PCDHA13: variants seen among roughly 807,000 people sequenced by gnomAD.
PCDHA13 encodes the protein protocadherin alpha 13.
A neutral mutation model predicts 64.8 loss-of-function variants in PCDHA13; 54 were observed. The observed-to-expected ratio is 0.83, with a 90% CI of 0.67 to 1.04. The LOEUF (loss-of-function observed/expected upper bound fraction) is 1.04. Ranked by LOEUF, PCDHA13 falls within the 50% of genes least tolerant of loss-of-function variation. The probability of loss-of-function intolerance (pLI) is 0.00; values close to 1 mark genes in which losing one functional copy is unlikely to be tolerated. For synonymous variants in PCDHA13, 587 were observed against 564.4 expected, an observed-to-expected ratio of 1.04 and a Z score of -0.57; for missense variants, 1,248 against 1,254.3, an observed-to-expected ratio of 0.99 and a Z score of 0.08.
chr5:140,982,596 G>A, intron 3 of PCDHA13, 33 bp downstream of exon 3: 2 of 1,609,850 alleles, frequency 1.2e-6, no homozygotes, highest in South Asian at 2.2e-5. Flanking sequence ...TTCTTTCTTG[G>A]TTTCTGGAAA....
intron 1 of PCDHA13, among the ~76,000 whole-genome samples, chr5:140,965,879 G>A (rs920261632): frequency 6.6e-6 from 1 of 152,216 alleles, no homozygotes; most frequent in Non-Finnish European, 1.5e-5. Flanking sequence ...ACTTGGCCGA[G>A]AGCAGAATTG....
rs1554181817 is a variant in PCDHA13, at chr5:140,884,665, A to G, written c.2394+3A>G. The G allele has an allele frequency of 5.7e-6, 9 of 1,578,032 alleles. No homozygotes were observed. The highest frequency in any genetic ancestry group is 7.7e-6 in the Non-Finnish European group (9 of 1,163,626). ...AGGACTCAGAATGCTTGAAAGAGGT[A>G]AGCTTATATTTTAAAAAATTGTCTT... On this transcript the variant is annotated splice_donor_region_variant and intron_variant, in intron 1 of 3. Transcript: ENST00000289272.
At chr5:140,887,357 A>G (rs112910602) in intron 1 of PCDHA13, among the ~76,000 whole-genome samples, 1 of 152,032 alleles carries the variant, frequency 6.6e-6, no homozygotes, top group Non-Finnish European at 1.5e-5. Flanking sequence ...CGGCCTCCCA[A>G]AGTGCTGGGA....
intron 1 of PCDHA13, chr5:140,927,831 G>T: frequency 6.2e-7 from 1 of 1,614,186 alleles, no homozygotes; most frequent in Non-Finnish European, 8.5e-7. Flanking sequence ...TTGAGGCGAG[G>T]GACGAAGGTG....
At chr5:140,993,470 A>T (rs1348899420) in intron 3 of PCDHA13, among the ~76,000 whole-genome samples, 10 of 115,268 alleles carry the variant, frequency 8.7e-5, no homozygotes, top group East Asian at 7.9e-4. Flanking sequence ...TCTCACACAC[A>T]CACACACACA....
At chr5:140,986,135 A>G (rs2097188048) in intron 3 of PCDHA13, among the ~76,000 whole-genome samples, 1 of 152,256 alleles carries the variant, frequency 6.6e-6, no homozygotes, top group Non-Finnish European at 1.5e-5. Flanking sequence ...GAAAGGATCA[A>G]CAAGGGCATC....
At chr5:140,897,841 C>G (rs1272606504) in intron 1 of PCDHA13, among the ~76,000 whole-genome samples, 2 of 152,282 alleles carry the variant, frequency 1.3e-5, no homozygotes, top group South Asian at 2.1e-4. Flanking sequence ...CACATCCTCT[C>G]CAGCACCTGT....
At chr5:140,996,791 A>G (rs2153942087) in intron 3 of PCDHA13, among the ~76,000 whole-genome samples, 1 of 152,316 alleles carries the variant, frequency 6.6e-6, no homozygotes, top group Non-Finnish European at 1.5e-5. Context: ...CTCACTCCCT[A>G]CATCCAATCA....
intron 1 of PCDHA13, among the ~76,000 whole-genome samples, chr5:140,899,376 A>G (rs2153463773): frequency 6.6e-6 from 1 of 152,262 alleles, no homozygotes; most frequent in South Asian, 2.1e-4. Flanking sequence ...TCAATACCTA[A>G]TTTATTGAGA....
chr5:140,925,641 T>TATAATAATA (rs10569930), intron 1 of PCDHA13, among the ~76,000 whole-genome samples: 4,530 of 143,294 alleles, frequency 0.032, 85 homozygotes, highest in Middle Eastern at 0.043. Flanking sequence ...GAACTTAAAG[T>TATAATAATA]ATAATAATAA....
chr5:140,976,303 C>A (rs1458121600), intron 1 of PCDHA13, among the ~76,000 whole-genome samples: 10 of 152,090 alleles, frequency 6.6e-5, no homozygotes, highest in Non-Finnish European at 1.3e-4. Flanking sequence ...GTAATCCCAG[C>A]ACTTTGGGAG....
At chr5:140,987,990 C>T (rs57614084) in intron 3 of PCDHA13, among the ~76,000 whole-genome samples, 1 of 152,190 alleles carries the variant, frequency 6.6e-6, no homozygotes, top group African/African-American at 2.4e-5. Context: ...GACTCCATCT[C>T]TGATCCTTCC....
At chr5:141,009,019 C>A (rs1160022658) in intron 3 of PCDHA13, among the ~76,000 whole-genome samples, 1 of 152,232 alleles carries the variant, frequency 6.6e-6, no homozygotes, top group Non-Finnish European at 1.5e-5. Context: ...CCTTTAGGCT[C>A]TGTATTTCCC....
rs782798960 is a variant in PCDHA13 at position 140,883,626 on chromosome 5, C to T, written c.1358C>T (p.Pro453Leu). ...VGVADVNDNAPAFAQPEYTVF... is the reference protein window; with the variant it reads ...VGVADVNDNALAFAQPEYTVF... ...GTGGCCGACGTGAACGACAACGCGC[C>T]GGCGTTCGCGCAGCCCGAGTACACG... The change falls in exon 1 of 4, where the codon CCG becomes CTG. Residue 453 changes from proline (P) to leucine (L), a missense_variant. Coordinates refer to ENST00000289272, the MANE Select transcript of PCDHA13 (RefSeq NM_018904.3). The T allele has an allele frequency of 1.9e-6, 3 of 1,613,850 alleles. No individual in the cohort carries two copies. Among genetic ancestry groups the T allele is most frequent in the Non-Finnish European group, 2.5e-6 (3 of 1,179,902 alleles).
At chr5:140,893,570 G>A (rs1583135271) in intron 1 of PCDHA13, among the ~76,000 whole-genome samples, 1 of 152,154 alleles carries the variant, frequency 6.6e-6, no homozygotes, top group African/African-American at 2.4e-5. Context: ...TACTTCCTCA[G>A]TTTTTGCTTG....
At chr5:140,977,351 AT>A (rs2096757742) in intron 1 of PCDHA13, among the ~76,000 whole-genome samples, 1 of 152,348 alleles carries the variant, frequency 6.6e-6, no homozygotes, top group Non-Finnish European at 1.5e-5. Context: ...ATGATGACTG[AT>A]TGATAAAAAG....
intron 1 of PCDHA13, among the ~76,000 whole-genome samples, chr5:140,901,207 T>G (rs894216497): frequency 6.6e-6 from 1 of 152,206 alleles, no homozygotes; most frequent in Non-Finnish European, 1.5e-5. Flanking sequence ...AGAAGGTTTT[T>G]AAGTTGATGT....
intron 3 of PCDHA13, among the ~76,000 whole-genome samples, chr5:140,999,514 A>G (rs782202425): frequency 1.4e-4 from 22 of 152,210 alleles, no homozygotes; most frequent in Non-Finnish European, 1.0e-4. Context: ...CATTTTAAGC[A>G]TTTTGTTACC....
intron 1 of PCDHA13, among the ~76,000 whole-genome samples, chr5:140,972,527 C>A (rs1173109086): frequency 6.6e-6 from 1 of 152,092 alleles, no homozygotes; most frequent in Non-Finnish European, 1.5e-5. Flanking sequence ...GAGCTTATTT[C>A]ATAAATCACT....
Sources: gnomAD v4.1 joint callset for allele counts (sites outside exome capture counted in the v4.1 genomes callset) on GRCh38, gnomAD v4.1.1 for gene constraint, MANE v1.5 for transcripts, NCBI Gene and HGNC (gene_info 2026-07-23, HGNC 2026-07-21) for gene names.